The following DEXI variants were observed in gnomAD, a reference collection of about 807,000 sequenced individuals.
DEXI encodes Dexi homolog.
In DEXI, 2 loss-of-function variants were observed where a neutral mutation model predicts 2.5. The observed-to-expected ratio is 0.81, with a 90% CI of 0.33 to 2.55. The LOEUF (loss-of-function observed/expected upper bound fraction) is 2.55, where lower values mean the gene tolerates loss of function less well. Ranked by LOEUF, DEXI falls within the 30% of genes most tolerant of loss-of-function variation. DEXI has a pLI of 0.11. For missense variants in DEXI, 108 were observed against 130.3 expected, an observed-to-expected ratio of 0.83 and a Z score of 0.83; for synonymous variants, 71 against 68.7, an observed-to-expected ratio of 1.03 and a Z score of -0.17.
chr16:10,936,467 T>C (rs1276805431), intron 1 of DEXI: 2 of 152,218 alleles, frequency 1.3e-5, no homozygotes, highest in Non-Finnish European at 2.9e-5. Context: ...TACACAGGCA[T>C]GCATATACAA....
intron 1 of DEXI, chr16:10,933,426 C>T (rs762694430): frequency 2.6e-5 from 4 of 152,256 alleles, no homozygotes; most frequent in Non-Finnish European, 5.9e-5. Context: ...TGTCCTGCTC[C>T]TCAGGGCAAA....
Position 10,929,393 on chromosome 16 carries a change from C to T in DEXI, c.*316G>A, listed in dbSNP as rs190916651. ...TAATCAGAAGCCAAGGCCAGGCCAT[C>T]GATTTGACACTGCAGGCAGATGAGG... On this transcript the variant is annotated 3_prime_UTR_variant, in exon 2 of 2. Coordinates refer to ENST00000331808, the MANE Select transcript of DEXI (RefSeq NM_014015.4). The surrounding 1 kb of genome is among the most constrained non-coding windows in gnomAD (Gnocchi z 4.3). 2 of 985,882 alleles carry T rather than the reference C, an allele frequency of 2.0e-6. No individual in the cohort carries two copies. The highest frequency in any genetic ancestry group is 1.1e-4 in the East Asian group (1 of 8,814). 61.1% of individuals were successfully genotyped at this position (985,882 alleles called of 1,614,324 possible). A position where few individuals can be genotyped will look rare whatever the true frequency, so the allele number is the denominator to read the frequency against.
chr16:10,935,347 T>C (rs940885524), intron 1 of DEXI: 6 of 152,256 alleles, frequency 3.9e-5, no homozygotes, highest in Admixed American at 6.5e-5. Flanking sequence ...GTATATCTTA[T>C]GTTTATCACC....
At chr16:10,935,357 C>T (rs1036599952) in intron 1 of DEXI, 3 of 152,162 alleles carry the variant, frequency 2.0e-5, no homozygotes, top group Admixed American at 6.5e-5. Context: ...TGTTTATCAC[C>T]CGACAGTTGT....
In DEXI at chr16:10,941,564, C is replaced by CT. The variant is rs1371912147; in HGVS notation, c.*149+4dup. 6.9e-7 allele frequency: 1 copy of CT among 1,449,066 alleles called. No individual in the cohort carries two copies. The highest frequency in any genetic ancestry group is 9.1e-7 in the Non-Finnish European group (1 of 1,099,544). The allele number at this position is 1,449,066 out of a possible 1,614,324, so 89.8% of individuals were successfully genotyped here. Reference sequence around the variant, plus strand: ...GCCCTCATCCTGTTCAGAGAGGGCACTTACAGGCCTCGGAGGCAGGGGAGG... The same window carrying CT: ...GCCCTCATCCTGTTCAGAGAGGGCACTTTACAGGCCTCGGAGGCAGGGGAGG... On this transcript the variant is annotated splice_donor_region_variant and intron_variant, in intron 1 of 1. Coordinates refer to ENST00000331808, the MANE Select transcript of DEXI (RefSeq NM_014015.4). This position sits in a 1 kb window ranked among gnomAD's most constrained non-coding sequence, Gnocchi z 6.4.
Position 10,940,392 on chromosome 16 carries a change from T to C in DEXI, c.*149+1177A>G, listed in dbSNP as rs1031773049. 1 of 152,284 alleles carries C rather than the reference T, an allele frequency of 6.6e-6. No homozygotes were observed. Among genetic ancestry groups the C allele is most frequent in the African/African-American group, 2.4e-5 (1 of 41,468 alleles). 9.4% of individuals were successfully genotyped at this position (152,284 alleles called of 1,614,324 possible). A position where few individuals can be genotyped will look rare whatever the true frequency, so the allele number is the denominator to read the frequency against. On this transcript the variant is annotated intron_variant, in intron 1 of 1. Transcript: ENST00000331808. This position sits in a 1 kb window ranked among gnomAD's most constrained non-coding sequence, Gnocchi z 4.2. ...GAACTAAGACACCCTCTGCCTGTGG[T>C]TGTCTTGGCAAAGCCAGGTAATGCA...
rs2041061861 is a variant in DEXI at position 10,938,634 on chromosome 16, CCT to C, written c.*149+2933_*149+2934del. The C allele has an allele frequency of 6.6e-6, 1 of 152,166 alleles. No homozygotes were observed. Among genetic ancestry groups the C allele is most frequent in the African/African-American group, 2.4e-5 (1 of 41,418 alleles). 9.4% of individuals were successfully genotyped at this position (152,166 alleles called of 1,614,324 possible). A position where few individuals can be genotyped will look rare whatever the true frequency, so the allele number is the denominator to read the frequency against. ...GGCGGCTTCCCTGCTGCTAGCTACC[CCT>C]CTCATACCCTGGGGTTCTGAGCTTC... On this transcript the variant is annotated intron_variant, in intron 1 of 1. Transcript: ENST00000331808. The surrounding 1 kb of genome is among the most constrained non-coding windows in gnomAD (Gnocchi z 4.9).
rs1340592537 is a variant in DEXI, at chr16:10,934,045, C to G, written c.*150-4486G>C. On this transcript the variant is annotated intron_variant, in intron 1 of 1. Transcript: ENST00000331808. The surrounding 1 kb of genome is among the most constrained non-coding windows in gnomAD (Gnocchi z 4.2). Reference sequence around the variant, plus strand: ...GTCACAGAGAAATGATGACCACTTTCTCAAACCTGGCTTCGGATTTGCACG... The same window carrying G: ...GTCACAGAGAAATGATGACCACTTTGTCAAACCTGGCTTCGGATTTGCACG... 6.6e-6 allele frequency: 1 copy of G among 152,192 alleles called. No individual in the cohort carries two copies. Among genetic ancestry groups the G allele is most frequent in the Non-Finnish European group, 1.5e-5 (1 of 68,048 alleles). 9.4% of individuals were successfully genotyped at this position (152,192 alleles called of 1,614,324 possible).
At position 10,942,298 on chromosome 16, in the gene DEXI, G is replaced by T; in HGVS notation, c.-293C>A. Reference sequence around the variant, plus strand: ...GGCTCCCTCGTGGCGCCTCCCTGGCGCTCGCAGGGCCTCGCAGAGCCGGTG... The same window carrying T: ...GGCTCCCTCGTGGCGCCTCCCTGGCTCTCGCAGGGCCTCGCAGAGCCGGTG... On this transcript the variant is annotated 5_prime_UTR_variant, in exon 1 of 2. Coordinates refer to ENST00000331808, the MANE Select transcript of DEXI (RefSeq NM_014015.4). The surrounding 1 kb of genome is among the most constrained non-coding windows in gnomAD (Gnocchi z 5.0). The T allele has an allele frequency of 3.3e-6, 1 of 304,494 alleles. No individual in the cohort carries two copies. The allele number at this position is 304,494 out of a possible 1,614,324, so 18.9% of individuals were successfully genotyped here.
At chr16:10,935,896 A>G (rs1475009822) in intron 1 of DEXI, 1 of 152,222 alleles carries the variant, frequency 6.6e-6, no homozygotes, top group Non-Finnish European at 1.5e-5. Flanking sequence ...TCCAGACTGA[A>G]GAAGGCTCGA....
intron 1 of DEXI, chr16:10,931,486 T>C (rs1181596318): frequency 6.6e-6 from 1 of 152,208 alleles, no homozygotes; most frequent in Non-Finnish European, 1.5e-5. Flanking sequence ...CCGGTTTTCA[T>C]TGTGTTTATC....
At position 10,941,439 on chromosome 16, in the gene DEXI, T is replaced by C. The variant is rs558406863; in HGVS notation, c.*149+130A>G. 8 of 923,824 alleles carry C rather than the reference T, an allele frequency of 8.7e-6. No homozygotes were observed. The South Asian group carries it at 1.1e-4, about 13-fold the overall frequency. The allele number at this position is 923,824 out of a possible 1,614,324, so 57.2% of individuals were successfully genotyped here. ...AAGAGGAGTCTGGCCATTCCTGGCA[T>C]CCAGTTAGACCTGGAGGAGGTGAAC... is the stretch of plus-strand genomic sequence containing the variant. On this transcript the variant is annotated intron_variant, in intron 1 of 1. Transcript: ENST00000331808. This position sits in a 1 kb window ranked among gnomAD's most constrained non-coding sequence, Gnocchi z 6.4.
In DEXI at chr16:10,941,881, T is replaced by G; in HGVS notation, c.125A>C (p.Tyr42Ser). Residue 42 changes from tyrosine to serine, a missense_variant, in exon 1 of 2, where the codon TAC becomes TCC. By Grantham distance (144) the Tyr-to-Ser change is moderately radical (BLOSUM62 -2). Transcript: ENST00000331808. The surrounding 1 kb of genome is among the most constrained non-coding windows in gnomAD (Gnocchi z 6.4). ...GLFFVNVLIL[Y>S]YAFLMEYIVL... ...GATGTACTCCATGAGGAAGGCGTAG[T>G]ACAGGATCAGCACATTGACGAAGAA... 1 of 1,611,630 alleles carries G rather than the reference T, an allele frequency of 6.2e-7. No homozygotes were observed. The highest frequency in any genetic ancestry group is 8.5e-7 in the Non-Finnish European group (1 of 1,179,600).
In DEXI at chr16:10,929,592, C is replaced by T. The variant is rs563328456; in HGVS notation, c.*150-33G>A. Reference sequence around the variant, plus strand: ...GAAGGAAAAAGGGGGGTTATTAGCACGGAAGCCCCACCCTGCCACCAGGTT... The same window carrying T: ...GAAGGAAAAAGGGGGGTTATTAGCATGGAAGCCCCACCCTGCCACCAGGTT... On this transcript the variant is annotated intron_variant, in intron 1 of 1. Transcript: ENST00000331808. This position sits in a 1 kb window ranked among gnomAD's most constrained non-coding sequence, Gnocchi z 4.3. 7.3e-5 allele frequency: 72 copies of T among 983,596 alleles called. No homozygotes were observed. Among genetic ancestry groups the T allele is most frequent in the Middle Eastern group, 5.2e-4 (1 of 1,912 alleles). The allele number at this position is 983,596 out of a possible 1,614,324, so 60.9% of individuals were successfully genotyped here.
chr16:10,942,452 C>G lies in DEXI; in HGVS notation c.-447G>C, dbSNP rs889526515. The G allele has an allele frequency of 5.2e-5, 8 of 153,180 alleles. No homozygotes were observed. The highest frequency in any genetic ancestry group is 1.9e-4 in the African/African-American group (8 of 41,498). 9.5% of individuals were successfully genotyped at this position (153,180 alleles called of 1,614,324 possible). A position where few individuals can be genotyped will look rare whatever the true frequency, so the allele number is the denominator to read the frequency against. On this transcript the variant is annotated 5_prime_UTR_variant, in exon 1 of 2. Coordinates refer to ENST00000331808, the MANE Select transcript of DEXI (RefSeq NM_014015.4). The surrounding 1 kb of genome is among the most constrained non-coding windows in gnomAD (Gnocchi z 5.0). Reference sequence around the variant, plus strand: ...ACCCATGGCTGCGGCCGCCGCGTAGCCCTCCCGGTGGCGCTCGGAGCTCCG... The same window carrying G: ...ACCCATGGCTGCGGCCGCCGCGTAGGCCTCCCGGTGGCGCTCGGAGCTCCG...
intron 1 of DEXI, chr16:10,936,395 G>A (rs1313329766): frequency 1.3e-5 from 2 of 152,148 alleles, no homozygotes; most frequent in African/African-American, 2.4e-5. Context: ...TAGGAGTAAA[G>A]GTGCATAATG....
rs1156674791 is a variant in DEXI, at chr16:10,938,559, G to C, written c.*149+3010C>G. ...GACTACCGGCGTTCCCCTGCTTATG[G>C]AAAGGGGCCTGGAGATGAGGCTCGG... On this transcript the variant is annotated intron_variant, in intron 1 of 1. Coordinates refer to ENST00000331808, the MANE Select transcript of DEXI (RefSeq NM_014015.4). This position sits in a 1 kb window ranked among gnomAD's most constrained non-coding sequence, Gnocchi z 4.9. 1 of 152,212 alleles carries C rather than the reference G, an allele frequency of 6.6e-6. No homozygotes were observed. The highest frequency in any genetic ancestry group is 1.5e-5 in the Non-Finnish European group (1 of 68,056). 9.4% of individuals were successfully genotyped at this position (152,212 alleles called of 1,614,324 possible).
Position 10,941,980 on chromosome 16 carries a change from T to C in DEXI, c.26A>G (p.His9Arg). MLGARVAA[H>R]LDALGPLVPY... Reference sequence around the variant, plus strand: ...GACCAGGGGGCCCAGTGCGTCCAGGTGGGCCGCGACCCGGGCGCCGAGCAT... The same window carrying C: ...GACCAGGGGGCCCAGTGCGTCCAGGCGGGCCGCGACCCGGGCGCCGAGCAT... Residue 9 changes from histidine (H) to arginine (R), a missense_variant, in exon 1 of 2, where the codon CAC (histidine) becomes CGC (arginine). Physicochemically the swap from His to Arg is conservative, Grantham distance 29. Transcript: ENST00000331808. The surrounding 1 kb of genome is among the most constrained non-coding windows in gnomAD (Gnocchi z 6.4). The C allele has an allele frequency of 6.6e-7, 1 of 1,506,576 alleles. No homozygotes were observed. Among genetic ancestry groups the C allele is most frequent in the Non-Finnish European group, 8.9e-7 (1 of 1,127,542 alleles). 93.3% of individuals were successfully genotyped at this position (1,506,576 alleles called of 1,614,324 possible).
At position 10,939,596 on chromosome 16, in the gene DEXI, G is replaced by T. The variant is rs1237277429; in HGVS notation, c.*149+1973C>A. ...TCTCCAGATCCTTCTATCAAATTAA[G>T]GCTCAGCTCAAAAGCATCATCTCCT... On this transcript the variant is annotated intron_variant, in intron 1 of 1. Coordinates refer to ENST00000331808, the MANE Select transcript of DEXI (RefSeq NM_014015.4). This position sits in a 1 kb window ranked among gnomAD's most constrained non-coding sequence, Gnocchi z 4.9. 1 of 152,184 alleles carries T rather than the reference G, an allele frequency of 6.6e-6. No homozygotes were observed. The highest frequency in any genetic ancestry group is 1.5e-5 in the Non-Finnish European group (1 of 68,040). 9.4% of individuals were successfully genotyped at this position (152,184 alleles called of 1,614,324 possible). A position where few individuals can be genotyped will look rare whatever the true frequency, so the allele number is the denominator to read the frequency against.
Sources: allele counts gnomAD v4.1 joint callset, GRCh38; gene constraint gnomAD v4.1.1; non-coding constraint Gnocchi (gnomAD v3.1); transcripts MANE v1.5; gene names NCBI Gene and HGNC (gene_info 2026-07-23, HGNC 2026-07-21).